TMEM41B: variants seen among roughly 807,000 people sequenced by gnomAD.
The protein encoded by TMEM41B is protein stasimon.
TMEM41B carries 18 observed loss-of-function variants against 31.9 expected under a neutral mutation model. The observed-to-expected ratio is 0.56, with a 90% confidence interval of 0.39 to 0.84. The LOEUF (loss-of-function observed/expected upper bound fraction) is 0.84, where lower values mean the gene tolerates loss of function less well. Among genes scored for constraint, TMEM41B ranks in the 40% least tolerant of loss-of-function variants. The pLI is 0.00. For missense variants in TMEM41B, 322 were observed against 348.0 expected (o/e 0.93, Z 0.59); for synonymous variants, 144 against 124.3 (o/e 1.16, Z -1.05).
intron 3 of TMEM41B, among the ~76,000 whole-genome samples, chr11:9,292,668 A>G (rs1852985468): frequency 6.6e-6 from 1 of 151,910 alleles, no homozygotes; most frequent in Non-Finnish European, 1.5e-5. Flanking sequence ...CCATCGCTAC[A>G]AAAAAATACA....
At chr11:9,311,365 T>C in intron 1 of TMEM41B, 2 of 1,491,172 alleles carry the variant, frequency 1.3e-6, no homozygotes, top group Non-Finnish European at 1.9e-6. Context: ...TTCTTCTGTA[T>C]CTTCTTGCCC....
rs1852865911 is a variant in TMEM41B at position 9,287,683 on chromosome 11, T to C, written c.567+19A>G. Reference sequence around the variant, plus strand: ...ATTAACAAAGAGTTACATCAAATAATTTAAAAATACATGTTTACCTGCTGT... The same window carrying C: ...ATTAACAAAGAGTTACATCAAATAACTTAAAAATACATGTTTACCTGCTGT... On this transcript the variant is annotated intron_variant, in intron 5 of 6. Coordinates refer to ENST00000528080, the MANE Select transcript of TMEM41B (RefSeq NM_015012.4). 1 of 1,557,822 alleles carries C rather than the reference T, an allele frequency of 6.4e-7. No individual in the cohort carries two copies. The highest frequency in any genetic ancestry group is 2.2e-5 in the East Asian group (1 of 44,534).
intron 1 of TMEM41B, among the ~76,000 whole-genome samples, chr11:9,310,809 C>A (rs1853542361): frequency 6.6e-6 from 1 of 152,200 alleles, no homozygotes. Flanking sequence ...CAAACAGACT[C>A]TACTTCCCAG....
chr11:9,295,927 G>T (rs1853075270), intron 2 of TMEM41B, among the ~76,000 whole-genome samples: 1 of 151,854 alleles, frequency 6.6e-6, no homozygotes, highest in Non-Finnish European at 1.5e-5. Context: ...CGCGATCTCG[G>T]CTCAGTGCAA....
At chr11:9,292,117 G>GTATT in intron 3 of TMEM41B, among the ~76,000 whole-genome samples, 1 of 152,272 alleles carries the variant, frequency 6.6e-6, no homozygotes, top group Non-Finnish European at 1.5e-5. Flanking sequence ...TCCACACAAA[G>GTATT]TATTTGCTCA....
At chr11:9,286,870 T>G (rs371862442) in intron 5 of TMEM41B, among the ~76,000 whole-genome samples, 1 of 151,566 alleles carries the variant, frequency 6.6e-6, no homozygotes, top group Non-Finnish European at 1.5e-5. Flanking sequence ...CATGGTGGCA[T>G]GTGCCTGAAA....
intron 5 of TMEM41B, 35 bp downstream of exon 5, chr11:9,287,667 G>T (rs182834998): frequency 6.9e-7 from 1 of 1,459,328 alleles, no homozygotes; most frequent in Non-Finnish European, 9.5e-7. Flanking sequence ...AATTAACAAA[G>T]AGTTACATCA....
chr11:9,290,155 C>T (rs776391556), intron 3 of TMEM41B, among the ~76,000 whole-genome samples: 1 of 151,908 alleles, frequency 6.6e-6, no homozygotes, highest in Non-Finnish European at 1.5e-5. Context: ...CTGAGGCAGG[C>T]GGATCACAAA....
chr11:9,285,375 G>A (rs1372470231), intron 6 of TMEM41B, among the ~76,000 whole-genome samples: 4 of 151,914 alleles, frequency 2.6e-5, no homozygotes, highest in East Asian at 1.9e-4. Flanking sequence ...GAACCACCGC[G>A]CCCGGCTAAT....
At chr11:9,296,973 A>G (rs1200388297) in intron 2 of TMEM41B, among the ~76,000 whole-genome samples, 1 of 152,134 alleles carries the variant, frequency 6.6e-6, no homozygotes, top group Non-Finnish European at 1.5e-5. Flanking sequence ...GGCTGGATGG[A>G]GTGCAATGGC....
intron 3 of TMEM41B, among the ~76,000 whole-genome samples, chr11:9,289,144 C>T (rs527260234): frequency 1.4e-5 from 2 of 147,686 alleles, no homozygotes; most frequent in Admixed American, 6.8e-5. Flanking sequence ...GTTGGGATCA[C>T]GGACGTGTGT....
At chr11:9,298,897 C>T (rs1853167223) in intron 2 of TMEM41B, among the ~76,000 whole-genome samples, 1 of 152,112 alleles carries the variant, frequency 6.6e-6, no homozygotes, top group African/African-American at 2.4e-5. Context: ...GAAAGTCTAA[C>T]TACATCTTAG....
At chr11:9,309,203 A>C (rs1465154073) in intron 1 of TMEM41B, among the ~76,000 whole-genome samples, 1 of 151,868 alleles carries the variant, frequency 6.6e-6, no homozygotes, top group East Asian at 1.9e-4. Context: ...CCAAGATCGC[A>C]CCATTGCACT....
rs1402842051 is a variant in TMEM41B, at chr11:9,302,606, A to C, written c.122-2905T>G. Among the ~76,000 whole-genome samples the C allele has an allele frequency of 2.0e-5, 2 of 99,814 alleles. 1 individual carries two copies. Among genetic ancestry groups the C allele is most frequent in the Non-Finnish European group, 4.3e-5 (2 of 46,604 alleles). 65.5% of individuals were successfully genotyped at this position (99,814 alleles called of 152,430 possible). ...CTGAGCCCTGACTAGATATTACTAA[A>C]TTCTATGTTGAACACATAGAGAAAT... is the stretch of plus-strand genomic sequence containing the variant. On this transcript the variant is annotated intron_variant, in intron 1 of 6. Coordinates refer to ENST00000528080, the MANE Select transcript of TMEM41B (RefSeq NM_015012.4).
intron 3 of TMEM41B, among the ~76,000 whole-genome samples, chr11:9,290,866 C>T (rs1852943147): frequency 6.6e-6 from 1 of 152,120 alleles, no homozygotes; most frequent in South Asian, 2.1e-4. Flanking sequence ...CGCCTGTAAT[C>T]CCAATACTTT....
chr11:9,309,152 C>G (rs116271455), intron 1 of TMEM41B, among the ~76,000 whole-genome samples: 1 of 151,836 alleles, frequency 6.6e-6, no homozygotes, highest in African/African-American at 2.4e-5. Flanking sequence ...GAGGCTGAGG[C>G]GGAGAATCGC....
rs1415195605 is a variant in TMEM41B at position 9,282,032 on chromosome 11, T to C, written c.*1392A>G. On this transcript the variant is annotated 3_prime_UTR_variant, in exon 7 of 7. Transcript: ENST00000528080. ...TACATACTCTTGAATGTTTGCTTTT[T>C]AGAGCCCCTTGTGGGATATTAAAGA... is the stretch of plus-strand genomic sequence containing the variant. 1 of 152,228 alleles carries C rather than the reference T, an allele frequency of 6.6e-6. No homozygotes were observed. Among genetic ancestry groups the C allele is most frequent in the Non-Finnish European group, 1.5e-5 (1 of 68,036 alleles). The allele number at this position is 152,228 out of a possible 1,614,324, so 9.4% of individuals were successfully genotyped here.
chr11:9,303,633 T>C (rs1382831049), intron 1 of TMEM41B, among the ~76,000 whole-genome samples: 2 of 149,958 alleles, frequency 1.3e-5, no homozygotes. Context: ...TCCCAACTAG[T>C]CCCTATTATT....
chr11:9,291,483 C>T (rs1261112357), intron 3 of TMEM41B, among the ~76,000 whole-genome samples: 3 of 150,388 alleles, frequency 2.0e-5, no homozygotes, highest in Non-Finnish European at 4.4e-5. Flanking sequence ...CTCACTGCAA[C>T]CCCTGCCTCC....
Sources: allele counts gnomAD v4.1 joint callset (sites outside exome capture counted in the v4.1 genomes callset), GRCh38; gene constraint gnomAD v4.1.1; transcripts MANE v1.5; gene names NCBI Gene and HGNC (gene_info 2026-07-23, HGNC 2026-07-21).